SLC45A2: variants seen among roughly 807,000 people sequenced by gnomAD.
The protein encoded by SLC45A2 is membrane-associated transporter protein.
Under a neutral mutation model 45.5 loss-of-function variants are expected in SLC45A2, and 36 were observed. The ratio of observed to expected loss-of-function variants is 0.79; its 90% CI spans 0.61 to 1.04. SLC45A2 has a LOEUF of 1.04. Ranked by LOEUF, SLC45A2 falls within the 50% of genes least tolerant of loss-of-function variation. The probability of loss-of-function intolerance (pLI) is 0.00; values close to 1 mark genes in which losing one functional copy is unlikely to be tolerated. For synonymous variants in SLC45A2, 306 were observed against 269.3 expected (o/e 1.14, Z -1.33); for missense variants, 719 against 671.0 (o/e 1.07, Z -0.79).
intron 2 of SLC45A2, among the ~76,000 whole-genome samples, chr5:33,967,279 A>G (rs1220240839): frequency 2.0e-5 from 3 of 152,272 alleles, no homozygotes; most frequent in African/African-American, 7.2e-5. Flanking sequence ...GCAAGTATCA[A>G]GAAAGTAAAA....
chr5:33,968,489 C>T (rs1191387373), intron 2 of SLC45A2, among the ~76,000 whole-genome samples: 2 of 152,208 alleles, frequency 1.3e-5, no homozygotes, highest in African/African-American at 4.8e-5. Flanking sequence ...CAGCTGGCCC[C>T]TTCCTCACCA....
At chr5:33,981,325 T>C (rs1184609770) in intron 2 of SLC45A2, among the ~76,000 whole-genome samples, 1 of 152,186 alleles carries the variant, frequency 6.6e-6, no homozygotes, top group Non-Finnish European at 1.5e-5. Flanking sequence ...GCAGCAGTCT[T>C]AGCTCTAGAG....
rs1751873746 is a variant in SLC45A2 at position 33,944,769 on chromosome 5, C to A, written c.1472G>T (p.Gly491Val). 1 of 1,614,116 alleles carries A rather than the reference C, an allele frequency of 6.2e-7. No homozygotes were observed. The highest frequency in any genetic ancestry group is 8.5e-7 in the Non-Finnish European group (1 of 1,180,046). The change falls in exon 7 of 7, where the codon GGA becomes GTA. Residue 491 changes from glycine (G) to valine (V), a missense_variant. Coordinates refer to ENST00000296589, the MANE Select transcript of SLC45A2 (RefSeq NM_016180.5). ...GTTGACCAGAAAGCCCAGGCCACCT[C>A]CGACCAGGATCTGAGCCAGCTGCAC... ...CMVQLAQILV[G>V]GGLGFLVNTA... is the part of the protein sequence containing the mutation.
At chr5:33,964,080 A>T in intron 2 of SLC45A2, 64 bp from the exon 3 acceptor site, 12 of 1,533,690 alleles carry the variant, frequency 7.8e-6, no homozygotes, top group Non-Finnish European at 1.1e-5. Context: ...CCTCATGCAT[A>T]GACACTCCCC....
intron 5 of SLC45A2, among the ~76,000 whole-genome samples, chr5:33,951,122 A>T (rs187406116): frequency 1.3e-5 from 2 of 152,340 alleles, no homozygotes; most frequent in African/African-American, 4.8e-5. Flanking sequence ...ATCTGAGCTA[A>T]GGTCATTTTG....
At chr5:33,969,952 T>C (rs1752731500) in intron 2 of SLC45A2, among the ~76,000 whole-genome samples, 1 of 152,186 alleles carries the variant, frequency 6.6e-6, no homozygotes, top group African/African-American at 2.4e-5. Context: ...TTCTTAAAGT[T>C]TACAGAACTA....
In SLC45A2 at chr5:33,947,345, C is replaced by G; in HGVS notation, c.1186G>C (p.Gly396Arg). ...CCCGTGAAGTAAAGACCCTTTAATC[C>G]AATGTAGGATACCAAAACTTTCTGA... Reference protein sequence around the residue: ...YFQKVLVSYIGLKGLYFTGYL... With the variant: ...YFQKVLVSYIRLKGLYFTGYL... Residue 396 changes from glycine (G) to arginine (R), a missense_variant, in exon 6 of 7, where the codon GGA becomes CGA. Gly to Arg is a moderately radical substitution (Grantham distance 125). Transcript: ENST00000296589. The G allele has an allele frequency of 6.2e-7, 1 of 1,614,176 alleles. No individual in the cohort carries two copies. The highest frequency in any genetic ancestry group is 8.5e-7 in the Non-Finnish European group (1 of 1,180,028).
At chr5:33,969,609 G>A (rs980526321) in intron 2 of SLC45A2, among the ~76,000 whole-genome samples, 1 of 152,188 alleles carries the variant, frequency 6.6e-6, no homozygotes, top group African/African-American at 2.4e-5. Context: ...AGGCTGCGAA[G>A]GCATCGAGAG....
chr5:33,969,065 C>G lies in SLC45A2; in HGVS notation c.563-5049G>C, dbSNP rs199542822. ...AGCTACTCTCTCTCTCTCTCTCTCT[C>G]TGTGTGTGTGTGTGTGTGTGTGTGT... is the stretch of plus-strand genomic sequence containing the variant. On this transcript the variant is annotated intron_variant, in intron 2 of 6. Transcript: ENST00000296589. 2.4e-3 allele frequency among the ~76,000 whole-genome samples: 242 copies of G among 102,426 alleles called. 3 individuals carry two copies. The highest frequency in any genetic ancestry group is 5.3e-3 in the African/African-American group (142 of 27,030). The allele number at this position is 102,426 out of a possible 152,430, so 67.2% of individuals were successfully genotyped here. A position where few individuals can be genotyped will look rare whatever the true frequency, so the allele number is the denominator to read the frequency against.
chr5:33,974,392 C>T (rs1198650776), intron 2 of SLC45A2, among the ~76,000 whole-genome samples: 3 of 151,806 alleles, frequency 2.0e-5, no homozygotes, highest in Non-Finnish European at 4.4e-5. Flanking sequence ...TGGTAATGAA[C>T]CCTTGGATGC....
chr5:33,947,168 T>C lies in SLC45A2; in HGVS notation c.1363A>G (p.Lys455Glu). The change falls in exon 6 of 7, where the codon AAG becomes GAG. Residue 455 changes from lysine to glutamate, a missense_variant. By Grantham distance (56) the Lys-to-Glu change is moderately conservative (BLOSUM62 1). Coordinates refer to ENST00000296589, the MANE Select transcript of SLC45A2 (RefSeq NM_016180.5). ...GAGGTTCAATGACAGCACACCTCCT[T>C]TTCTTCCTCGCGGTGGTACTCAGTA... ...LITEYHREEE[K>E]ERQQAPGGDP... 1 of 1,614,206 alleles carries C rather than the reference T, an allele frequency of 6.2e-7. No homozygotes were observed. The highest frequency in any genetic ancestry group is 8.5e-7 in the Non-Finnish European group (1 of 1,180,040).
chr5:33,950,081 C>T (rs1752052923), intron 5 of SLC45A2, among the ~76,000 whole-genome samples: 1 of 151,788 alleles, frequency 6.6e-6, no homozygotes, highest in South Asian at 2.1e-4. Flanking sequence ...CTTGTGGTCC[C>T]GGGTACTCAG....
In SLC45A2 at chr5:33,963,984, C is replaced by T. The variant is rs1309612741; in HGVS notation, c.595G>A (p.Ala199Thr). ...AGCTCCAGATGGGCCCAGTCTATAG[C>T]ACCCAAAAGGTAACCCAGGGCACCT... The part of the protein sequence containing the change: ...FGGALGYLLG[A>T]IDWAHLELGR... Residue 199 changes from alanine (A) to threonine (T), a missense_variant, in exon 3 of 7, where the codon GCT (alanine) becomes ACT (threonine). Transcript: ENST00000296589. The T allele has an allele frequency of 6.2e-7, 1 of 1,614,026 alleles. No homozygotes were observed. Among genetic ancestry groups the T allele is most frequent in the Non-Finnish European group, 8.5e-7 (1 of 1,179,900 alleles).
Position 33,984,367 on chromosome 5 carries a change from C to T in SLC45A2, c.217G>A (p.Val73Met). 2 of 1,613,972 alleles carry T rather than the reference C, an allele frequency of 1.2e-6. No homozygotes were observed. Among genetic ancestry groups the T allele is most frequent in the African/African-American group, 1.3e-5 (1 of 75,068 alleles). ...CCCAGGATGGGGCTGAGGAACCACA[C>T]AATGCTGTACAGGCTGCTGGGCAGA... The part of the protein sequence containing the change: ...VGLPSSLYSI[V>M]WFLSPILGFL... Residue 73 changes from valine (V) to methionine (M), a missense_variant, in exon 1 of 7, where the codon GTG (valine) becomes ATG (methionine). Coordinates refer to ENST00000296589, the MANE Select transcript of SLC45A2 (RefSeq NM_016180.5).
At chr5:33,950,346 T>A (rs10080040) in intron 5 of SLC45A2, among the ~76,000 whole-genome samples, 142,836 of 152,256 alleles carry the variant, frequency 0.94, 67,531 homozygotes, top group Non-Finnish European at 0.99. Context: ...TCCTCCTGGA[T>A]TTTTTCTTAG....
rs1223358003 is a variant in SLC45A2 at position 33,984,419 on chromosome 5, A to G, written c.165T>C (p.Tyr55=). The G allele has an allele frequency of 6.2e-7, 1 of 1,613,542 alleles. No homozygotes were observed. The highest frequency in any genetic ancestry group is 1.1e-5 in the South Asian group (1 of 90,990). ...CTACGCTGAGCAGGACTGGGGTCAC[A>G]TACGCTGCCTCCACCGCGTAGCAGA... ...REFCYAVEAA[Y]VTPVLLSVGL... Residue 55 remains tyrosine, a synonymous_variant, in exon 1 of 7, where the codon TAT becomes TAC. Transcript: ENST00000296589.
chr5:33,966,483 G>T (rs1002523611), intron 2 of SLC45A2, among the ~76,000 whole-genome samples: 2 of 143,320 alleles, frequency 1.4e-5, no homozygotes, highest in Admixed American at 7.2e-5. Context: ...GCCCAGGCCG[G>T]ACTGCGGACT....
At chr5:33,955,365 C>A (rs1277950730) in intron 3 of SLC45A2, among the ~76,000 whole-genome samples, 2 of 152,204 alleles carry the variant, frequency 1.3e-5, no homozygotes, top group Non-Finnish European at 2.9e-5. Flanking sequence ...TGACTTCAAC[C>A]TTGTAAGACC....
At chr5:33,977,516 C>T (rs963278095) in intron 2 of SLC45A2, among the ~76,000 whole-genome samples, 1 of 152,112 alleles carries the variant, frequency 6.6e-6, no homozygotes, top group Admixed American at 6.5e-5. Context: ...GAATGAGGGC[C>T]CTTGTTCCTA....
Sources: gnomAD v4.1 joint callset for allele counts (sites outside exome capture counted in the v4.1 genomes callset) on GRCh38, gnomAD v4.1.1 for gene constraint, MANE v1.5 for transcripts, NCBI Gene and HGNC (gene_info 2026-07-23, HGNC 2026-07-21) for gene names.